SLC25A21: variants seen among roughly 807,000 people sequenced by gnomAD.
SLC25A21 encodes the protein solute carrier family 25 member 21.
SLC25A21 carries 47 observed loss-of-function variants against 43.8 expected under a neutral mutation model. The ratio of observed to expected loss-of-function variants is 1.07; its 90% CI spans 0.85 to 1.37. The LOEUF (loss-of-function observed/expected upper bound fraction) is 1.37. Among genes scored for constraint, SLC25A21 ranks in the 40% most tolerant of loss-of-function variants. The pLI is 0.00. For missense variants in SLC25A21, 352 were observed against 350.2 expected (o/e 1.00, Z -0.04); for synonymous variants, 131 against 121.3 (o/e 1.08, Z -0.52).
At chr14:36,789,415 C>G (rs1160536364) in intron 3 of SLC25A21, among the ~76,000 whole-genome samples, 1 of 151,608 alleles carries the variant, frequency 6.6e-6, no homozygotes, top group Non-Finnish European at 1.5e-5. Flanking sequence ...TCTAAGAAAA[C>G]CATTGGTAGT....
At chr14:37,129,134 G>T (rs2138902889) in intron 1 of SLC25A21, among the ~76,000 whole-genome samples, 1 of 152,260 alleles carries the variant, frequency 6.6e-6, no homozygotes, top group South Asian at 2.1e-4. Context: ...GAAAGTGCTG[G>T]GTTAGAGGGA....
At chr14:37,117,076 T>C (rs1317434653) in intron 1 of SLC25A21, among the ~76,000 whole-genome samples, 3 of 152,192 alleles carry the variant, frequency 2.0e-5, no homozygotes, top group Non-Finnish European at 4.4e-5. Context: ...AGTTTATAGC[T>C]GAAAAATGTA....
At chr14:36,787,211 T>C (rs903473150) in intron 3 of SLC25A21, among the ~76,000 whole-genome samples, 3 of 152,152 alleles carry the variant, frequency 2.0e-5, no homozygotes, top group Non-Finnish European at 2.9e-5. Context: ...GAAGAGGCCA[T>C]TGAGATAGAG....
rs1883877084 is a variant in SLC25A21 at position 36,711,618 on chromosome 14, C to T, written c.439-136G>A. ...CAGATATGAATAATCATGCCTAGAA[C>T]TGTGTTTTTTAAAATCAGCAAACCC... On this transcript the variant is annotated intron_variant, in intron 6 of 9. Transcript: ENST00000331299. 3.2e-6 allele frequency: 3 copies of T among 936,792 alleles called. No homozygotes were observed. In the East Asian group the frequency reaches 8.9e-5, roughly 28 times the overall value. 58.0% of individuals were successfully genotyped at this position (936,792 alleles called of 1,614,324 possible).
intron 1 of SLC25A21, among the ~76,000 whole-genome samples, chr14:37,089,760 G>A (rs973738239): frequency 2.6e-5 from 4 of 152,172 alleles, no homozygotes; most frequent in Non-Finnish European, 2.9e-5. Context: ...CTATGATGAC[G>A]GAGATAACTA....
At chr14:36,764,167 A>G (rs12887498) in intron 3 of SLC25A21, among the ~76,000 whole-genome samples, 6 of 71,768 alleles carry the variant, frequency 8.4e-5, no homozygotes, top group African/African-American at 3.8e-4. Context: ...AAAGAAAGAA[A>G]GAAAGAAAGA....
chr14:37,044,556 A>G (rs1188316707), intron 1 of SLC25A21, among the ~76,000 whole-genome samples: 1 of 152,188 alleles, frequency 6.6e-6, no homozygotes, highest in Non-Finnish European at 1.5e-5. Flanking sequence ...TATTGAATGT[A>G]CCACAGGAAC....
chr14:36,948,054 A>T (rs1284448629), intron 1 of SLC25A21, among the ~76,000 whole-genome samples: 2 of 152,184 alleles, frequency 1.3e-5, no homozygotes, highest in Non-Finnish European at 2.9e-5. Flanking sequence ...ATGGCATTAT[A>T]AGGGGCTTTA....
chr14:36,900,395 C>G (rs772823939), intron 1 of SLC25A21, among the ~76,000 whole-genome samples: 2 of 152,088 alleles, frequency 1.3e-5, no homozygotes, highest in Non-Finnish European at 2.9e-5. Flanking sequence ...AGCTTTAAAT[C>G]TCTGCGCAAC....
chr14:36,734,851 T>C (rs1884971199), intron 3 of SLC25A21, among the ~76,000 whole-genome samples: 1 of 152,312 alleles, frequency 6.6e-6, no homozygotes. Flanking sequence ...GTCCTTACTC[T>C]AAGGGCTCTT....
At chr14:36,880,286 A>G (rs1445714110) in intron 1 of SLC25A21, among the ~76,000 whole-genome samples, 1 of 152,224 alleles carries the variant, frequency 6.6e-6, no homozygotes. Context: ...TTGGGCATAG[A>G]GGCCACACAC....
intron 1 of SLC25A21, among the ~76,000 whole-genome samples, chr14:36,993,961 G>A (rs1167381621): frequency 2.0e-5 from 3 of 152,108 alleles, no homozygotes; most frequent in Admixed American, 6.5e-5. Context: ...GAGAGTTTTT[G>A]CATTGTGTTG....
chr14:37,156,449 C>T (rs1555350517), intron 1 of SLC25A21, among the ~76,000 whole-genome samples: 1 of 151,976 alleles, frequency 6.6e-6, no homozygotes, highest in Non-Finnish European at 1.5e-5. Context: ...TGAACATAAA[C>T]ATTAAATAAT....
chr14:36,768,304 G>A (rs910788854), intron 3 of SLC25A21, among the ~76,000 whole-genome samples: 4 of 152,140 alleles, frequency 2.6e-5, no homozygotes, highest in African/African-American at 9.7e-5. Flanking sequence ...GTGTCAAAAC[G>A]AACAAAGGGA....
At chr14:36,810,294 A>C (rs1417740547) in intron 3 of SLC25A21, among the ~76,000 whole-genome samples, 2 of 152,198 alleles carry the variant, frequency 1.3e-5, no homozygotes, top group African/African-American at 4.8e-5. Flanking sequence ...TCAAAGCAGA[A>C]GCAGAAACAT....
chr14:37,147,649 T>TTAA (rs1555349959), intron 1 of SLC25A21, among the ~76,000 whole-genome samples: 6 of 146,822 alleles, frequency 4.1e-5, no homozygotes, highest in African/African-American at 7.6e-5. Context: ...TTTTTTTTTT[T>TTAA]AAAAAAAAGG....
At chr14:36,730,992 A>G (rs1215251940) in intron 4 of SLC25A21, among the ~76,000 whole-genome samples, 2 of 144,192 alleles carry the variant, frequency 1.4e-5, no homozygotes, top group Non-Finnish European at 3.0e-5. Flanking sequence ...TTTTTTTTCG[A>G]GATGGAGTCT....
chr14:37,123,355 G>C (rs1170138809), intron 1 of SLC25A21, among the ~76,000 whole-genome samples: 3 of 152,148 alleles, frequency 2.0e-5, no homozygotes, highest in African/African-American at 7.2e-5. Flanking sequence ...GACAAGAAAA[G>C]AACGTTCAGA....
chr14:36,810,902 CAGCATATGATAGAGA>C (rs1566636454), intron 3 of SLC25A21, among the ~76,000 whole-genome samples: 1 of 94,996 alleles, frequency 1.1e-5, no homozygotes, highest in African/African-American at 3.3e-5. Context: ...GGAAATAATT[CAGCATATGATAGAGA>C]AAAGAGTGGG....
Sources: gnomAD v4.1 joint callset for allele counts (sites outside exome capture counted in the v4.1 genomes callset) on GRCh38, gnomAD v4.1.1 for gene constraint, MANE v1.5 for transcripts, NCBI Gene and HGNC (gene_info 2026-07-23, HGNC 2026-07-21) for gene names.